Variants in SLC15A1 observed in about 807,000 individuals in gnomAD.
SLC15A1 encodes the protein Caco-2 oligopeptide transporter.
SLC15A1 carries 83 observed loss-of-function variants against 92.9 expected under a neutral mutation model. The ratio of observed to expected loss-of-function variants is 0.89; its 90% confidence interval spans 0.75 to 1.07. The LOEUF (loss-of-function observed/expected upper bound fraction) is 1.07. SLC15A1 is among the 50% of genes least tolerant of loss of function. SLC15A1 has a pLI of 0.00. For missense variants in SLC15A1, 857 were observed against 880.1 expected (o/e 0.97, Z 0.33); for synonymous variants, 322 against 318.2 (o/e 1.01, Z -0.13).
intron 1 of SLC15A1, among the ~76,000 whole-genome samples, chr13:98,742,054 G>A (rs2088452466): frequency 6.6e-6 from 1 of 152,222 alleles, no homozygotes; most frequent in Non-Finnish European, 1.5e-5. Flanking sequence ...GGGCCACTGG[G>A]CCAAGGCTTG....
chr13:98,744,370 C>T (rs1394323884), intron 1 of SLC15A1, among the ~76,000 whole-genome samples: 1 of 145,280 alleles, frequency 6.9e-6, no homozygotes, highest in Non-Finnish European at 1.5e-5. Context: ...TAAATCATGA[C>T]TAGAAAAAAA....
chr13:98,710,874 T>C (rs1438494487), intron 11 of SLC15A1, among the ~76,000 whole-genome samples: 1 of 149,312 alleles, frequency 6.7e-6, no homozygotes, highest in Non-Finnish European at 1.5e-5. Flanking sequence ...GGCCAGTCAC[T>C]GAGTACCTTA....
rs1348977381 is a variant in SLC15A1, at chr13:98,684,033, TTTCGTAAGAGTA to T, written c.*679_*690del. ...TGGCTCCTGCCTCCTTTAGAATAGT[TTTCGTAAGAGTA>T]TTAGAAATGAACAGTATGGAATAGG... On this transcript the variant is annotated 3_prime_UTR_variant, in exon 23 of 23. Transcript: ENST00000376503. The T allele has an allele frequency of 6.6e-6, 1 of 152,218 alleles. No individual in the cohort carries two copies. Among genetic ancestry groups the T allele is most frequent in the Non-Finnish European group, 1.5e-5 (1 of 68,044 alleles). 9.4% of individuals were successfully genotyped at this position (152,218 alleles called of 1,614,324 possible).
intron 15 of SLC15A1, among the ~76,000 whole-genome samples, chr13:98,707,853 G>A (rs1361313592): frequency 7.7e-6 from 1 of 130,096 alleles, no homozygotes; most frequent in African/African-American, 3.2e-5. Flanking sequence ...TCGCACCACT[G>A]CACTCCAGCA....
rs1401895253 is a variant in SLC15A1, at chr13:98,683,841, A to T, written c.*883T>A. On this transcript the variant is annotated 3_prime_UTR_variant, in exon 23 of 23. Coordinates refer to ENST00000376503, the MANE Select transcript of SLC15A1 (RefSeq NM_005073.4). ...TATTTCACACCATTGAAACTTCAAA[A>T]AAATCATTACTGGCCTTCACCTGAG... The T allele has an allele frequency of 6.6e-6, 1 of 152,250 alleles. No homozygotes were observed. Among genetic ancestry groups the T allele is most frequent in the Admixed American group, 6.5e-5 (1 of 15,282 alleles). The allele number at this position is 152,250 out of a possible 1,614,324, so 9.4% of individuals were successfully genotyped here. A position where few individuals can be genotyped will look rare whatever the true frequency, so the allele number is the denominator to read the frequency against.
intron 18 of SLC15A1, among the ~76,000 whole-genome samples, chr13:98,695,611 T>G (rs1848223894): frequency 6.6e-6 from 1 of 152,194 alleles, no homozygotes; most frequent in South Asian, 2.1e-4. Context: ...CAGGCTGGTC[T>G]CAAACTCCTG....
chr13:98,695,932 GT>G (rs1007318869), intron 18 of SLC15A1, among the ~76,000 whole-genome samples: 1 of 151,732 alleles, frequency 6.6e-6, no homozygotes, highest in African/African-American at 2.4e-5. Context: ...CCTTTTTTGT[GT>G]TTTTTCCCTA....
At chr13:98,703,963 A>C (rs1361436538) in intron 17 of SLC15A1, among the ~76,000 whole-genome samples, 4 of 152,172 alleles carry the variant, frequency 2.6e-5, no homozygotes, top group Non-Finnish European at 2.9e-5. Context: ...ATTTTAAATT[A>C]TCTGAAAAAG....
intron 5 of SLC15A1, among the ~76,000 whole-genome samples, 154 bp from the exon 6 acceptor site, chr13:98,722,057 T>C (rs2088265056): frequency 6.6e-6 from 1 of 152,206 alleles, no homozygotes; most frequent in Non-Finnish European, 1.5e-5. Context: ...TGCAGCGTGA[T>C]AGTCAAATGC....
intron 7 of SLC15A1, chr13:98,721,125 C>G (rs1219430184): frequency 4.0e-6 from 2 of 495,972 alleles, no homozygotes; most frequent in Non-Finnish European, 4.1e-6. Flanking sequence ...AGAAATATCA[C>G]TGGGGAGCAA....
In SLC15A1 at chr13:98,699,132, G is replaced by A. The variant is rs138967012; in HGVS notation, c.1466+3348C>T. Among the ~76,000 whole-genome samples, 552 of 152,288 alleles carry A rather than the reference G, an allele frequency of 3.6e-3. 5 individuals are homozygous for A. Among genetic ancestry groups the A allele is most frequent in the African/African-American group, 0.012 (505 of 41,558 alleles). On this transcript the variant is annotated intron_variant, in intron 18 of 22. Transcript: ENST00000376503. ...CTCCTAACCCACGCCAATCACTAAT[G>A]TGTTCTGTGTCCCTGGAGTTTTTGG...
chr13:98,722,940 C>G (rs1171346615), intron 5 of SLC15A1, among the ~76,000 whole-genome samples: 1 of 152,114 alleles, frequency 6.6e-6, no homozygotes, highest in African/African-American at 2.4e-5. Context: ...GTTCTAGGTG[C>G]TTTACTTGGA....
chr13:98,718,474 A>G (rs2088229268), intron 8 of SLC15A1, among the ~76,000 whole-genome samples: 1 of 151,758 alleles, frequency 6.6e-6, no homozygotes, highest in Non-Finnish European at 1.5e-5. Flanking sequence ...TATAAGCCAC[A>G]GCACCCAGCT....
chr13:98,709,867 G>T lies in SLC15A1; in HGVS notation c.945C>A (p.Ile315=). ...ACTAAAACAAAGGAGTCAAACTTAC[G>T]ATTTTCCCGGACATAGTTGTTGCCT... The part of the protein sequence containing the change: ...TLQATTMSGK[I]GALEIQPDQM... Residue 315 remains isoleucine, a splice_region_variant and synonymous_variant, in exon 12 of 23, where the codon ATC becomes ATA. Transcript: ENST00000376503. The T allele has an allele frequency of 6.2e-7, 1 of 1,614,164 alleles. No homozygotes were observed. Among genetic ancestry groups the T allele is most frequent in the Admixed American group, 1.7e-5 (1 of 60,018 alleles).
chr13:98,715,852 T>C (rs1258296629), intron 9 of SLC15A1, 26 bp downstream of exon 9: 2 of 1,603,432 alleles, frequency 1.2e-6, no homozygotes, highest in Non-Finnish European at 1.7e-6. Context: ...TAAATAGCCT[T>C]GAGAAAGAGC....
intron 1 of SLC15A1, among the ~76,000 whole-genome samples, chr13:98,749,258 G>T (rs1346337821): frequency 6.6e-6 from 1 of 152,208 alleles, no homozygotes; most frequent in Non-Finnish European, 1.5e-5. Flanking sequence ...TTAAGCTCAG[G>T]CAGCTGACTT....
intron 9 of SLC15A1, among the ~76,000 whole-genome samples, chr13:98,712,946 G>A (rs2088177451): frequency 6.6e-6 from 1 of 152,142 alleles, no homozygotes; most frequent in Non-Finnish European, 1.5e-5. Flanking sequence ...ACCCCACTAT[G>A]ATTTTAATAG....
At chr13:98,716,897 T>A (rs1175434141) in intron 8 of SLC15A1, among the ~76,000 whole-genome samples, 2 of 152,096 alleles carry the variant, frequency 1.3e-5, no homozygotes, top group African/African-American at 4.8e-5. Context: ...AAAAAAACCA[T>A]TCTAGGGCTG....
chr13:98,702,967 C>CAA (rs535486738), intron 17 of SLC15A1, among the ~76,000 whole-genome samples: 10 of 77,668 alleles, frequency 1.3e-4, no homozygotes, highest in East Asian at 9.9e-4. Flanking sequence ...GATCCTGTCT[C>CAA]AAAAAAAAAA....
Sources: gnomAD v4.1 joint callset for allele counts (sites outside exome capture counted in the v4.1 genomes callset) on GRCh38, gnomAD v4.1.1 for gene constraint, MANE v1.5 for transcripts, NCBI Gene and HGNC (gene_info 2026-07-23, HGNC 2026-07-21) for gene names.